UPRT: variants seen among roughly 807,000 people sequenced by gnomAD.
UPRT encodes the protein uracil phosphoribosyltransferase homolog.
A neutral mutation model predicts 22.6 loss-of-function variants in UPRT; 5 were observed. The observed-to-expected ratio is 0.22, with a 90% CI of 0.12 to 0.47. UPRT has a LOEUF of 0.47. Ranked by LOEUF, UPRT falls within the 20% of genes least tolerant of loss-of-function variation. UPRT has a pLI of 0.99. For missense variants in UPRT, 181 were observed against 239.9 expected, an observed-to-expected ratio of 0.75 and a Z score of 1.62; for synonymous variants, 77 against 87.7, an observed-to-expected ratio of 0.88 and a Z score of 0.68.
chrX:75,293,294 T>C (rs1018711926), intron 1 of UPRT, among the ~76,000 whole-genome samples, 178 bp from the exon 2 acceptor site: 3 of 111,744 alleles, frequency 2.7e-5, no homozygotes, highest in African/African-American at 9.7e-5. Flanking sequence ...GATCAAGTTA[T>C]CTCATTTAGG....
chrX:75,178,785 T>C (rs188700747), intron 4 of UPRT, among the ~76,000 whole-genome samples: 41 of 111,136 alleles, frequency 3.7e-4, no homozygotes, highest in Middle Eastern at 9.3e-3. Flanking sequence ...AGCGTGGACC[T>C]AAAGAGTGAG....
At chrX:75,290,961 A>C (rs1462003131) in intron 1 of UPRT, among the ~76,000 whole-genome samples, 1 of 111,943 alleles carries the variant, frequency 8.9e-6, no homozygotes, top group Non-Finnish European at 1.9e-5. Context: ...AAAGTTGAAA[A>C]AAAGTAAATT....
chrX:75,236,963 T>C (rs1354530046), intron 4 of UPRT, among the ~76,000 whole-genome samples: 5 of 112,097 alleles, frequency 4.5e-5, no homozygotes, highest in Non-Finnish European at 9.4e-5. Flanking sequence ...CTAATTCAAC[T>C]AAAGAGCTTC....
chrX:75,231,114 G>T (rs1003486702), intron 4 of UPRT, among the ~76,000 whole-genome samples: 3 of 111,666 alleles, frequency 2.7e-5, no homozygotes, highest in Admixed American at 9.5e-5. Context: ...TCTCTGAATT[G>T]CAGATACAGA....
At chrX:75,297,758 C>T (rs2082730965) in intron 4 of UPRT, 2 of 416,798 alleles carry the variant, frequency 4.8e-6, no homozygotes, top group Non-Finnish European at 4.1e-6. Flanking sequence ...AGCGTATTCC[C>T]TAATAGAGTG....
At chrX:75,180,586 G>A (rs368041479) in intron 4 of UPRT, among the ~76,000 whole-genome samples, 1 of 108,141 alleles carries the variant, frequency 9.2e-6, no homozygotes, top group Admixed American at 9.9e-5. Flanking sequence ...TGGAGCAAAA[G>A]TTCATGATAT....
At position 75,226,895 on chromosome X, in the gene UPRT, A is replaced by G. The variant is rs189061871; in HGVS notation, c.-447+59016A>G. Among the ~76,000 whole-genome samples, 505 of 111,239 alleles carry G rather than the reference A, an allele frequency of 4.5e-3. 1 individual carries two copies. Among genetic ancestry groups the G allele is most frequent in the African/African-American group, 0.016 (487 of 30,636 alleles). On this transcript the variant is annotated intron_variant, in intron 4 of 13. Transcript: ENST00000652605. Reference sequence around the variant, plus strand: ...CTGTCTGGCACAAAGTTGGTTCTCAATAAATACTTGTTGAATGAATGAATG... The same window carrying G: ...CTGTCTGGCACAAAGTTGGTTCTCAGTAAATACTTGTTGAATGAATGAATG...
chrX:75,190,739 C>T (rs943458742), intron 4 of UPRT, among the ~76,000 whole-genome samples: 3 of 111,739 alleles, frequency 2.7e-5, no homozygotes, highest in African/African-American at 6.5e-5. Flanking sequence ...GATCTTCCAT[C>T]GCTGATACCC....
chrX:75,278,643 A>G (rs2082641351), intron 1 of UPRT, among the ~76,000 whole-genome samples: 1 of 111,768 alleles, frequency 8.9e-6, no homozygotes, highest in South Asian at 3.7e-4. Context: ...CTCCCTGTCC[A>G]GTTTTTTGTT....
In UPRT at chrX:75,196,393, A is replaced by G. The variant is rs181716732; in HGVS notation, c.-447+28514A>G. On this transcript the variant is annotated intron_variant, in intron 4 of 13. Transcript: ENST00000652605. ...TTTAATTATCTGAGTATTACAAATG[A>G]GAAGTCTGAGACGAATTATTGATCA... Among the ~76,000 whole-genome samples the G allele has an allele frequency of 5.3e-5, 6 of 112,518 alleles. No homozygotes were observed. The East Asian group carries it at 1.7e-3, about 31-fold the overall frequency.
intron 4 of UPRT, among the ~76,000 whole-genome samples, chrX:75,226,643 T>C (rs752450684): frequency 1.8e-5 from 2 of 111,414 alleles, no homozygotes; most frequent in Admixed American, 1.9e-4. Context: ...CAGGTCTTTG[T>C]TCTTATGGCA....
chrX:75,235,971 T>TA (rs1280349335), intron 4 of UPRT, among the ~76,000 whole-genome samples: 1 of 110,823 alleles, frequency 9.0e-6, no homozygotes, highest in East Asian at 2.8e-4. Flanking sequence ...GAGAAGGAAA[T>TA]AAAGGGTATT....
chrX:75,289,079 A>G (rs971444057), intron 1 of UPRT, among the ~76,000 whole-genome samples: 4 of 110,943 alleles, frequency 3.6e-5, no homozygotes, highest in Non-Finnish European at 7.6e-5. Flanking sequence ...GAACACAATC[A>G]TATTTACAGG....
At chrX:75,175,328 T>C (rs750843264) in intron 4 of UPRT, among the ~76,000 whole-genome samples, 2 of 111,882 alleles carry the variant, frequency 1.8e-5, no homozygotes, top group Non-Finnish European at 3.8e-5. Flanking sequence ...GTGTGGGACT[T>C]TCAGGCATAA....
rs541107134 is a variant in UPRT, at chrX:75,188,301, C to T, written c.-447+20422C>T. 9.9e-5 allele frequency among the ~76,000 whole-genome samples: 11 copies of T among 111,514 alleles called. 1 individual carries two copies. In the East Asian group the frequency reaches 3.1e-3, roughly 32 times the overall value. On this transcript the variant is annotated intron_variant, in intron 4 of 13. Transcript: ENST00000652605. Reference sequence around the variant, plus strand: ...CTGGGCGTGTGAGGTGTCAGTCTGCCCCTGCTAGGGGGTGCCTCCCAGTTA... The same window carrying T: ...CTGGGCGTGTGAGGTGTCAGTCTGCTCCTGCTAGGGGGTGCCTCCCAGTTA...
chrX:75,200,705 A>C (rs891641178), intron 4 of UPRT, among the ~76,000 whole-genome samples: 5 of 111,514 alleles, frequency 4.5e-5, no homozygotes, highest in South Asian at 7.7e-4. Flanking sequence ...TAATCGCAGC[A>C]CTTTGGGAGG....
chrX:75,201,921 C>G (rs2082348219), intron 4 of UPRT: 1 of 111,328 alleles, frequency 9.0e-6, no homozygotes, highest in East Asian at 2.8e-4. Context: ...AGCATGGTCT[C>G]TATAGGTGAA....
intron 4 of UPRT, among the ~76,000 whole-genome samples, chrX:75,170,193 C>T (rs367702826): frequency 3.3e-4 from 36 of 110,336 alleles, no homozygotes; most frequent in Admixed American, 2.2e-3. Context: ...CACGCCACCA[C>T]GCCCAGCTAA....
At chrX:75,256,839 C>T (rs1397415498) in intron 4 of UPRT, among the ~76,000 whole-genome samples, 1 of 111,185 alleles carries the variant, frequency 9.0e-6, no homozygotes, top group East Asian at 2.8e-4. Flanking sequence ...ATACCCTGAA[C>T]AGAACAATAA....
Sources: gnomAD v4.1 joint callset for allele counts (sites outside exome capture counted in the v4.1 genomes callset) on GRCh38, gnomAD v4.1.1 for gene constraint, MANE v1.5 for transcripts, NCBI Gene and HGNC (gene_info 2026-07-23, HGNC 2026-07-21) for gene names.